Variants in BTG4 observed in about 807,000 individuals in gnomAD.
BTG4 encodes the protein BTG anti-proliferation factor 4.
A neutral mutation model predicts 19.3 loss-of-function variants in BTG4; 10 were observed. The ratio of observed to expected loss-of-function variants is 0.52; its 90% CI spans 0.32 to 0.88. BTG4 has a LOEUF of 0.88. BTG4 is among the 40% of genes least tolerant of loss of function. The pLI is 0.04. For missense variants in BTG4, 238 were observed against 281.9 expected (o/e 0.84, Z 1.11); for synonymous variants, 91 against 95.7 (o/e 0.95, Z 0.29).
At chr11:111,486,994 C>A (rs1865105314) in intron 5 of BTG4, among the ~76,000 whole-genome samples, 1 of 151,978 alleles carries the variant, frequency 6.6e-6, no homozygotes, top group East Asian at 1.9e-4. Context: ...CCCTGACAGG[C>A]CCCAGTGTAT....
the BTG4 span, chr11:111,435,180 G>C: frequency 1.3e-5 from 2 of 152,316 alleles, no homozygotes; most frequent in African/African-American, 4.8e-5. Context: ...GTTGGCCAGA[G>C]TACACTAGCA....
At chr11:111,495,449 G>T in intron 4 of BTG4, 135 bp from the exon 5 acceptor site, 1 of 706,320 alleles carries the variant, frequency 1.4e-6, no homozygotes, top group Non-Finnish European at 2.2e-6. Context: ...AACCATCTTT[G>T]AAAAAAATTT....
the BTG4 span, among the ~76,000 whole-genome samples, chr11:111,387,779 G>A: frequency 7.9e-5 from 12 of 152,264 alleles, no homozygotes; most frequent in African/African-American, 2.4e-4. Context: ...TACTTTTGGT[G>A]CTATTATGTC....
chr11:111,394,817 T>C, the BTG4 span, among the ~76,000 whole-genome samples: 1 of 152,312 alleles, frequency 6.6e-6, no homozygotes, highest in African/African-American at 2.4e-5. Context: ...TAAAAACGAC[T>C]GCCACTTACC....
the BTG4 span, chr11:111,415,992 C>A: frequency 6.6e-6 from 1 of 152,640 alleles, no homozygotes; most frequent in South Asian, 2.1e-4. Flanking sequence ...TGCAGGGAGC[C>A]AAGATCACAC....
chr11:111,395,185 A>C, the BTG4 span, among the ~76,000 whole-genome samples: 1 of 152,256 alleles, frequency 6.6e-6, no homozygotes, highest in Non-Finnish European at 1.5e-5. Flanking sequence ...TCCATCCTGA[A>C]GGCACCCAGG....
chr11:111,455,935 G>C, the BTG4 span: 1 of 415,378 alleles, frequency 2.4e-6, no homozygotes, highest in African/African-American at 2.0e-5. Context: ...CCTGAATCAG[G>C]GCAACTAGCC....
At chr11:111,422,007 C>A in the BTG4 span, among the ~76,000 whole-genome samples, 1 of 152,178 alleles carries the variant, frequency 6.6e-6, no homozygotes, top group Non-Finnish European at 1.5e-5. Flanking sequence ...CCAGAAGTTG[C>A]TGGAGAGCAA....
At chr11:111,494,777 T>C, downstream of BTG4, 2 of 706,928 alleles carry the variant, frequency 2.8e-6, no homozygotes, top group Non-Finnish European at 3.5e-6. Flanking sequence ...AAATAAACTT[T>C]TAAAAGTTTG....
chr11:111,479,698 G>T (rs866445116), intron 5 of BTG4, among the ~76,000 whole-genome samples: 1 of 152,062 alleles, frequency 6.6e-6, no homozygotes, highest in Non-Finnish European at 1.5e-5. Context: ...AATATTTAAT[G>T]CAAGTATATT....
intron 5 of BTG4, chr11:111,470,114 GA>G (rs1432052713): frequency 6.6e-6 from 1 of 152,250 alleles, no homozygotes; most frequent in East Asian, 1.9e-4. Context: ...TTTTGTTTTT[GA>G]GACAGGATCT....
intron 5 of BTG4, among the ~76,000 whole-genome samples, chr11:111,474,941 T>C (rs1375099950): frequency 1.3e-5 from 2 of 152,196 alleles, no homozygotes; most frequent in Non-Finnish European, 2.9e-5. Context: ...TCTTGTAAAG[T>C]GCCTAATCCA....
chr11:111,411,109 C>G, the BTG4 span, among the ~76,000 whole-genome samples: 1 of 152,174 alleles, frequency 6.6e-6, no homozygotes, highest in Non-Finnish European at 1.5e-5. Flanking sequence ...CCAGAGTGAT[C>G]CTTTTAAGGC....
chr11:111,419,710 A>G, the BTG4 span, among the ~76,000 whole-genome samples: 140,229 of 152,304 alleles, frequency 0.92, 64,902 homozygotes, highest in East Asian at 1. Context: ...CTGCCAGCCA[A>G]GGCCATGGCG....
the BTG4 span, among the ~76,000 whole-genome samples, chr11:111,426,649 C>T: frequency 4.6e-5 from 7 of 152,078 alleles, no homozygotes; most frequent in African/African-American, 1.4e-4. Context: ...GAGCCCAGGC[C>T]GGCCTGAATT....
At chr11:111,476,321 C>T (rs1422451379) in intron 5 of BTG4, among the ~76,000 whole-genome samples, 1 of 152,052 alleles carries the variant, frequency 6.6e-6, no homozygotes, top group East Asian at 1.9e-4. Flanking sequence ...ATTTTTAGCT[C>T]TGTAGGTCTT....
the BTG4 span, among the ~76,000 whole-genome samples, chr11:111,447,268 G>A: frequency 1.3e-5 from 2 of 152,226 alleles, no homozygotes; most frequent in Admixed American, 1.3e-4. Context: ...TTCTGGGTAT[G>A]CATATTCTTT....
chr11:111,397,003 G>A, the BTG4 span: 1 of 152,320 alleles, frequency 6.6e-6, no homozygotes, highest in East Asian at 1.9e-4. Context: ...TCTGAAGAGA[G>A]CTCTCATAGA....
chr11:111,425,893 T>C, the BTG4 span, among the ~76,000 whole-genome samples: 1,753 of 152,154 alleles, frequency 0.012, 24 homozygotes, highest in African/African-American at 0.039. Flanking sequence ...TAGCTGGGCA[T>C]GGTGGCACAC....
Sources: gnomAD v4.1 joint callset for allele counts (sites outside exome capture counted in the v4.1 genomes callset) on GRCh38, gnomAD v4.1.1 for gene constraint, MANE v1.5 for transcripts, NCBI Gene and HGNC (gene_info 2026-07-23, HGNC 2026-07-21) for gene names.